NKAIN3: variants seen among roughly 807,000 people sequenced by gnomAD.
NKAIN3 encodes sodium/potassium-transporting ATPase subunit beta-1-interacting protein 3.
In NKAIN3, 25 loss-of-function variants were observed where a neutral mutation model predicts 30.2. The ratio of observed to expected loss-of-function variants is 0.83; its 90% CI spans 0.60 to 1.16. The LOEUF (loss-of-function observed/expected upper bound fraction) is 1.16. Ranked by LOEUF, NKAIN3 falls within the 50% of genes most tolerant of loss-of-function variation. The pLI, the probability that NKAIN3 is intolerant of heterozygous loss-of-function variation, is 0.00. For missense variants in NKAIN3, 225 were observed against 254.1 expected, an observed-to-expected ratio of 0.89 and a Z score of 0.78; for synonymous variants, 91 against 89.6, an observed-to-expected ratio of 1.02 and a Z score of -0.09.
chr8:62,870,689 C>A (rs1375284096), intron 4 of NKAIN3, among the ~76,000 whole-genome samples: 18 of 98,464 alleles, frequency 1.8e-4, no homozygotes, highest in South Asian at 1.8e-3. Context: ...ATCTATATCT[C>A]TCTATCTATA....
chr8:62,255,923 A>G (rs1349415345), intron 1 of NKAIN3, among the ~76,000 whole-genome samples: 1 of 152,144 alleles, frequency 6.6e-6, no homozygotes, highest in African/African-American at 2.4e-5. Context: ...AAATTATTGA[A>G]AGCTCCTTGC....
At chr8:62,344,158 A>C (rs1215709673) in intron 1 of NKAIN3, among the ~76,000 whole-genome samples, 1 of 152,020 alleles carries the variant, frequency 6.6e-6, no homozygotes, top group Non-Finnish European at 1.5e-5. Context: ...CTGGAGCTGG[A>C]CTTTGATGGA....
chr8:62,327,750 G>A (rs1049742878), intron 1 of NKAIN3, among the ~76,000 whole-genome samples: 23 of 151,596 alleles, frequency 1.5e-4, no homozygotes, highest in Non-Finnish European at 2.1e-4. Context: ...TTTTTTTATC[G>A]CGATTGTTTC....
At chr8:62,533,356 G>A (rs1386718480) in intron 1 of NKAIN3, among the ~76,000 whole-genome samples, 3 of 152,216 alleles carry the variant, frequency 2.0e-5, no homozygotes, top group African/African-American at 4.8e-5. Flanking sequence ...TGGCCCAGCT[G>A]CAGTGGAACA....
chr8:62,459,932 A>G (rs1406960517), intron 1 of NKAIN3, among the ~76,000 whole-genome samples: 1 of 152,200 alleles, frequency 6.6e-6, no homozygotes, highest in African/African-American at 2.4e-5. Flanking sequence ...TCATTGAAGG[A>G]TTGTGAACAA....
intron 1 of NKAIN3, among the ~76,000 whole-genome samples, chr8:62,481,131 C>T (rs192496540): frequency 3.9e-5 from 6 of 152,226 alleles, no homozygotes; most frequent in East Asian, 1.9e-4. Context: ...AAATCCTCCC[C>T]GATCTAGATA....
chr8:62,449,541 T>C (rs1405151896), intron 1 of NKAIN3, among the ~76,000 whole-genome samples: 2 of 152,088 alleles, frequency 1.3e-5, no homozygotes, highest in African/African-American at 4.8e-5. Flanking sequence ...TTGAGTTCTA[T>C]CATAAAACAA....
chr8:62,950,960 T>TG (rs1823268616), intron 5 of NKAIN3, among the ~76,000 whole-genome samples: 2 of 151,214 alleles, frequency 1.3e-5, no homozygotes, highest in Admixed American at 1.3e-4. Context: ...TTTTTTTTTT[T>TG]TTTTTTTTTA....
Position 62,592,164 on chromosome 8 carries a change from T to C in NKAIN3, c.273+2370T>C, listed in dbSNP as rs182126660. On this transcript the variant is annotated intron_variant, in intron 3 of 6. Coordinates refer to ENST00000623646, the MANE Select transcript of NKAIN3 (RefSeq NM_001304533.3). ...TGTTATTCCAATGACAGACATGGCC[T>C]ATGAATAGCACATTTGTACGCTAAG... Among the ~76,000 whole-genome samples the C allele has an allele frequency of 3.2e-3, 490 of 152,146 alleles. 2 individuals carry two copies. Among genetic ancestry groups the C allele is most frequent in the African/African-American group, 0.01 (425 of 41,534 alleles).
chr8:62,473,656 G>T (rs950511040), intron 1 of NKAIN3, among the ~76,000 whole-genome samples: 10 of 152,094 alleles, frequency 6.6e-5, no homozygotes, highest in Non-Finnish European at 1.5e-4. Context: ...AACCCTTAGG[G>T]ATTTTGAACT....
chr8:62,863,052 G>C (rs1820302768), intron 4 of NKAIN3: 2 of 867,758 alleles, frequency 2.3e-6, no homozygotes, highest in Admixed American at 4.2e-5. Context: ...GAGACTCTAG[G>C]TGCTTTGATC....
Position 62,614,992 on chromosome 8 carries a change from C to T in NKAIN3, c.273+25198C>T, listed in dbSNP as rs543752798. On this transcript the variant is annotated intron_variant, in intron 3 of 6. Transcript: ENST00000623646. The stretch of plus-strand genomic sequence containing the variant: ...CAAGAGCCTGCTTGGTGCTCTGCAC[C>T]CCTGAGGCTCTGCTGGTACCTAAGG... 3.3e-5 allele frequency among the ~76,000 whole-genome samples: 5 copies of T among 152,256 alleles called. No individual in the cohort carries two copies. In the East Asian group the frequency reaches 9.7e-4, roughly 30 times the overall value.
intron 4 of NKAIN3, among the ~76,000 whole-genome samples, chr8:62,891,057 T>C (rs1456213522): frequency 2.0e-5 from 3 of 152,146 alleles, no homozygotes; most frequent in Non-Finnish European, 4.4e-5. Flanking sequence ...TAGTTAATAT[T>C]GTCAACTTGA....
At chr8:62,763,555 A>G (rs6994429) in intron 4 of NKAIN3, among the ~76,000 whole-genome samples, 77,125 of 151,940 alleles carry the variant, frequency 0.51, 22,664 homozygotes, top group Non-Finnish European at 0.67. Flanking sequence ...CTTAGTAACA[A>G]AGATAATCAG....
chr8:62,278,524 C>T (rs972420394), intron 1 of NKAIN3, among the ~76,000 whole-genome samples: 1 of 152,124 alleles, frequency 6.6e-6, no homozygotes, highest in Non-Finnish European at 1.5e-5. Flanking sequence ...GCTATCCCTC[C>T]CCACTCCCCC....
intron 1 of NKAIN3, among the ~76,000 whole-genome samples, chr8:62,502,205 A>G (rs936687162): frequency 6.6e-6 from 1 of 152,092 alleles, no homozygotes; most frequent in Admixed American, 6.6e-5. Flanking sequence ...TCCTATTGAC[A>G]TATATATGTA....
At chr8:62,313,034 A>G (rs1369334561) in intron 1 of NKAIN3, among the ~76,000 whole-genome samples, 1 of 152,106 alleles carries the variant, frequency 6.6e-6, no homozygotes, top group Non-Finnish European at 1.5e-5. Flanking sequence ...GTAAGAAAAA[A>G]AAAACTCAGG....
chr8:62,593,734 T>C (rs147451463), intron 3 of NKAIN3, among the ~76,000 whole-genome samples: 2,592 of 152,162 alleles, frequency 0.017, 75 homozygotes, highest in African/African-American at 0.059. Context: ...TGCAATTGGT[T>C]AAGGAAACAG....
chr8:62,854,790 G>A (rs1309099347), intron 4 of NKAIN3, among the ~76,000 whole-genome samples: 1 of 152,160 alleles, frequency 6.6e-6, no homozygotes, highest in African/African-American at 2.4e-5. Flanking sequence ...ACTTCATAGT[G>A]TCACTAGTCT....
Sources: allele counts gnomAD v4.1 joint callset (sites outside exome capture counted in the v4.1 genomes callset), GRCh38; gene constraint gnomAD v4.1.1; transcripts MANE v1.5; gene names NCBI Gene and HGNC (gene_info 2026-07-23, HGNC 2026-07-21).